Variants in CMSS1 observed in about 807,000 individuals in gnomAD.
CMSS1 encodes protein CMSS1.
CMSS1 carries 33 observed loss-of-function variants against 43.5 expected under a neutral mutation model. That is an observed-to-expected ratio of 0.76 (90% CI 0.57 to 1.01). CMSS1 has a LOEUF of 1.01. CMSS1 is among the 50% of genes least tolerant of loss of function. The pLI, the probability that CMSS1 is intolerant of heterozygous loss-of-function variation, is 0.00. For missense variants in CMSS1, 313 were observed against 326.4 expected (o/e 0.96, Z 0.32); for synonymous variants, 115 against 117.2 (o/e 0.98, Z 0.12).
chr3:100,065,576 T>G (rs2065649606), intron 1 of CMSS1, among the ~76,000 whole-genome samples: 1 of 152,210 alleles, frequency 6.6e-6, no homozygotes, highest in Admixed American at 6.5e-5. Context: ...TCTTCCACTT[T>G]TCATCTTACT....
In CMSS1 at chr3:100,141,531, G is replaced by A. The variant is rs113204966; in HGVS notation, c.65-5442G>A. ...TTGACTGTATGATCCCATTGCCAGGGCCCCTCCCAGTGTCTTCAAGAGTTT... is the reference window on the plus strand; with the variant it reads ...TTGACTGTATGATCCCATTGCCAGGACCCCTCCCAGTGTCTTCAAGAGTTT... On this transcript the variant is annotated intron_variant, in intron 1 of 9. Coordinates refer to ENST00000421999, the MANE Select transcript of CMSS1 (RefSeq NM_032359.4). The A allele has an allele frequency of 3.9e-4, 178 of 456,170 alleles. 1 individual carries two copies. The highest frequency in any genetic ancestry group is 2.9e-3 in the African/African-American group (147 of 50,162). The allele number at this position is 456,170 out of a possible 1,614,324, so 28.3% of individuals were successfully genotyped here.
At chr3:100,030,328 A>G (rs1238070300) in intron 1 of CMSS1, among the ~76,000 whole-genome samples, 2 of 152,154 alleles carry the variant, frequency 1.3e-5, no homozygotes, top group Non-Finnish European at 2.9e-5. Context: ...CCAAAACTAG[A>G]CAGTGGCTCC....
At chr3:100,084,213 T>A (rs2065972305) in intron 1 of CMSS1, among the ~76,000 whole-genome samples, 2 of 152,340 alleles carry the variant, frequency 1.3e-5, no homozygotes, top group African/African-American at 4.8e-5. Flanking sequence ...TTCATGTACA[T>A]GTTTAAATAA....
intron 1 of CMSS1, among the ~76,000 whole-genome samples, chr3:100,006,452 A>G (rs1189506285): frequency 3.3e-5 from 5 of 152,036 alleles, no homozygotes; most frequent in African/African-American, 7.3e-5. Flanking sequence ...TTTGGTTCCT[A>G]TCTTTCAGTG....
At chr3:100,096,644 G>A (rs2066213946) in intron 1 of CMSS1, among the ~76,000 whole-genome samples, 1 of 151,702 alleles carries the variant, frequency 6.6e-6, no homozygotes, top group East Asian at 1.9e-4. Context: ...GAGGAGATGG[G>A]GTTAGTTAAG....
chr3:99,824,516 G>A (rs1462059515), intron 1 of CMSS1, among the ~76,000 whole-genome samples: 1 of 152,142 alleles, frequency 6.6e-6, no homozygotes, highest in Admixed American at 6.6e-5. Context: ...TGGATACAGC[G>A]AAGGCACTCA....
intron 1 of CMSS1, among the ~76,000 whole-genome samples, chr3:100,039,128 G>C (rs1200203770): frequency 1.3e-5 from 2 of 152,140 alleles, no homozygotes; most frequent in Non-Finnish European, 2.9e-5. Context: ...TATTGGTATT[G>C]AAATTATCAT....
intron 1 of CMSS1, among the ~76,000 whole-genome samples, chr3:100,041,932 G>T (rs901757742): frequency 8.5e-5 from 13 of 152,150 alleles, no homozygotes; most frequent in African/African-American, 3.1e-4. Flanking sequence ...AAAGGCACAG[G>T]CTGCACCTCA....
chr3:99,932,275 T>C (rs1036802232), intron 1 of CMSS1, among the ~76,000 whole-genome samples: 1 of 152,208 alleles, frequency 6.6e-6, no homozygotes, highest in African/African-American at 2.4e-5. Flanking sequence ...TGTACATATA[T>C]ATTGCTGAAC....
chr3:100,058,363 T>G (rs1307371403), intron 1 of CMSS1, among the ~76,000 whole-genome samples: 1 of 152,222 alleles, frequency 6.6e-6, no homozygotes, highest in Non-Finnish European at 1.5e-5. Flanking sequence ...ACGGGTATGA[T>G]TTTCCATTGT....
intron 1 of CMSS1, chr3:100,114,563 A>C (rs1576080287): frequency 5.5e-6 from 1 of 181,810 alleles, no homozygotes; most frequent in Non-Finnish European, 1.1e-5. Flanking sequence ...TCTCCAGATT[A>C]GAAGACACCA....
intron 4 of CMSS1, among the ~76,000 whole-genome samples, chr3:100,164,316 G>C (rs2067049090): frequency 6.6e-6 from 1 of 152,154 alleles, no homozygotes; most frequent in African/African-American, 2.4e-5. Flanking sequence ...CTTGAACTTA[G>C]GAAGGATTTG....
intron 1 of CMSS1, 119 bp downstream of exon 1, chr3:99,818,162 G>A (rs1215278398): frequency 4.7e-6 from 4 of 859,552 alleles, no homozygotes; most frequent in African/African-American, 3.4e-5. Context: ...ACCGCCTTGG[G>A]AGCGCGCAAG....
chr3:100,130,310 GA>G (rs1442512172), intron 1 of CMSS1, among the ~76,000 whole-genome samples: 1 of 152,132 alleles, frequency 6.6e-6, no homozygotes, highest in Non-Finnish European at 1.5e-5. Context: ...AATTCTACTG[GA>G]TGTTTCAGTG....
intron 1 of CMSS1, among the ~76,000 whole-genome samples, chr3:99,825,733 T>C (rs1437318677): frequency 6.6e-6 from 1 of 151,860 alleles, no homozygotes; most frequent in Non-Finnish European, 1.5e-5. Flanking sequence ...AATAATAATA[T>C]ATCATTTTGT....
At chr3:100,095,500 C>T (rs547805154) in intron 1 of CMSS1, among the ~76,000 whole-genome samples, 70 of 151,568 alleles carry the variant, frequency 4.6e-4, no homozygotes, top group African/African-American at 1.5e-3. Context: ...ACAGTCATAC[C>T]GAGAACATGC....
At chr3:99,861,280 C>T (rs529371370) in intron 1 of CMSS1, among the ~76,000 whole-genome samples, 30 of 152,288 alleles carry the variant, frequency 2.0e-4, no homozygotes, top group Admixed American at 2.6e-4. Context: ...CCCCTTAATC[C>T]TCCAAAGCCT....
At chr3:100,177,960 A>G (rs1021794925) in intron 9 of CMSS1, among the ~76,000 whole-genome samples, 1 of 152,286 alleles carries the variant, frequency 6.6e-6, no homozygotes, top group Admixed American at 6.5e-5. Flanking sequence ...CTCTACTAAA[A>G]ATACAAAAAT....
chr3:99,963,232 ATAGTGTGTGGTTTTC>A (rs1232951789), intron 1 of CMSS1, among the ~76,000 whole-genome samples: 2 of 152,220 alleles, frequency 1.3e-5, no homozygotes, highest in Admixed American at 6.5e-5. Flanking sequence ...TTGCCCCAGA[ATAGTGTGTGGTTTTC>A]CACTAGCAGT....
Sources: gnomAD v4.1 joint callset for allele counts (sites outside exome capture counted in the v4.1 genomes callset) on GRCh38, gnomAD v4.1.1 for gene constraint, MANE v1.5 for transcripts, NCBI Gene and HGNC (gene_info 2026-07-23, HGNC 2026-07-21) for gene names.